TACR1: variants seen among roughly 807,000 people sequenced by gnomAD.
TACR1 encodes the protein substance-P receptor.
TACR1 carries 25 observed loss-of-function variants against 35.8 expected under a neutral mutation model. That is an observed-to-expected ratio of 0.70 (90% CI 0.51 to 0.98). The LOEUF is 0.98. Among genes scored for constraint, TACR1 ranks in the 50% least tolerant of loss-of-function variants. TACR1 has a pLI of 0.00. For synonymous variants in TACR1, 195 were observed against 206.7 expected, an observed-to-expected ratio of 0.94 and a Z score of 0.48; for missense variants, 478 against 522.9, an observed-to-expected ratio of 0.91 and a Z score of 0.84.
At chr2:75,125,879 T>TTGACTATACGTTGGGAA (rs1311908845) in intron 1 of TACR1, among the ~76,000 whole-genome samples, 4 of 152,204 alleles carry the variant, frequency 2.6e-5, no homozygotes, top group African/African-American at 7.2e-5. Context: ...AACTTTTGTG[T>TTGACTATACGTTGGGAA]TGACTATACG....
intron 2 of TACR1, among the ~76,000 whole-genome samples, chr2:75,089,983 A>G (rs1380887691): frequency 6.6e-6 from 1 of 152,186 alleles, no homozygotes; most frequent in Non-Finnish European, 1.5e-5. Flanking sequence ...CATCATCACC[A>G]TTCAACTAAT....
chr2:75,182,654 A>C (rs1675586816), intron 1 of TACR1, among the ~76,000 whole-genome samples: 2 of 152,184 alleles, frequency 1.3e-5, no homozygotes, highest in African/African-American at 4.8e-5. Context: ...AAAACTTACC[A>C]TTGTGTTCCA....
At chr2:75,095,246 C>CT (rs1052164881) in intron 2 of TACR1, among the ~76,000 whole-genome samples, 9 of 152,158 alleles carry the variant, frequency 5.9e-5, no homozygotes, top group African/African-American at 1.9e-4. Context: ...TTCACTCTCC[C>CT]TGAGGGTGCA....
At chr2:75,155,687 A>C (rs1674832822) in intron 1 of TACR1, among the ~76,000 whole-genome samples, 1 of 152,256 alleles carries the variant, frequency 6.6e-6, no homozygotes, top group Non-Finnish European at 1.5e-5. Flanking sequence ...AGCTACATTT[A>C]CATTTTATCA....
intron 1 of TACR1, among the ~76,000 whole-genome samples, chr2:75,152,417 GGGGT>G (rs1174738128): frequency 1.3e-5 from 2 of 152,148 alleles, no homozygotes; most frequent in African/African-American, 4.8e-5. Context: ...GGTTTTATCA[GGGGT>G]TTCTGCTTTT....
chr2:75,167,314 G>A (rs2104007623), intron 1 of TACR1, among the ~76,000 whole-genome samples: 1 of 152,212 alleles, frequency 6.6e-6, no homozygotes, highest in South Asian at 2.1e-4. Context: ...AAATAAACTG[G>A]CAAATGGGCC....
intron 2 of TACR1, among the ~76,000 whole-genome samples, chr2:75,107,110 A>G (rs1428525717): frequency 6.6e-6 from 1 of 151,988 alleles, no homozygotes; most frequent in Non-Finnish European, 1.5e-5. Flanking sequence ...TGTTACTATT[A>G]ATACTACAGG....
At chr2:75,174,897 T>G (rs901340708) in intron 1 of TACR1, among the ~76,000 whole-genome samples, 83 of 152,184 alleles carry the variant, frequency 5.5e-4, no homozygotes, top group Non-Finnish European at 1.2e-4. Context: ...CAGGCCCAAT[T>G]TCAGGGGCAG....
At chr2:75,155,446 T>C (rs1674822064) in intron 1 of TACR1, among the ~76,000 whole-genome samples, 1 of 151,846 alleles carries the variant, frequency 6.6e-6, no homozygotes, top group Non-Finnish European at 1.5e-5. Context: ...TCTCTCTATC[T>C]CTACCTCTCT....
intron 4 of TACR1, 25 bp from the exon 5 acceptor site, chr2:75,049,748 T>C: frequency 6.2e-7 from 1 of 1,602,224 alleles, no homozygotes; most frequent in Non-Finnish European, 8.5e-7. Context: ...GATGAAGAGG[T>C]GACCCTTTGG....
At chr2:75,141,727 A>G (rs984228857) in intron 1 of TACR1, among the ~76,000 whole-genome samples, 3 of 152,224 alleles carry the variant, frequency 2.0e-5, no homozygotes, top group African/African-American at 4.8e-5. Context: ...TTCCCCAAAA[A>G]GGACTTATAT....
chr2:75,168,147 T>C (rs1055585435), intron 1 of TACR1, among the ~76,000 whole-genome samples: 2 of 152,244 alleles, frequency 1.3e-5, no homozygotes, highest in Non-Finnish European at 2.9e-5. Flanking sequence ...ACTTGTTGTT[T>C]ATTATTTTAA....
intron 1 of TACR1, among the ~76,000 whole-genome samples, chr2:75,166,834 T>C (rs1675155018): frequency 1.3e-5 from 2 of 152,194 alleles, no homozygotes; most frequent in South Asian, 2.1e-4. Flanking sequence ...AGTGCAGATA[T>C]AGGAAAGTCT....
chr2:75,089,087 T>C (rs1200401222), intron 2 of TACR1, among the ~76,000 whole-genome samples: 3 of 152,202 alleles, frequency 2.0e-5, no homozygotes, highest in Admixed American at 6.5e-5. Flanking sequence ...CTTCACCATA[T>C]GTGCTGCCCT....
intron 1 of TACR1, among the ~76,000 whole-genome samples, chr2:75,138,981 A>T (rs1313977764): frequency 6.6e-6 from 1 of 152,248 alleles, no homozygotes; most frequent in South Asian, 2.1e-4. Flanking sequence ...TCATGAGAAC[A>T]TGCAACAAGG....
chr2:75,133,655 T>G (rs1433175668), intron 1 of TACR1, among the ~76,000 whole-genome samples: 1 of 152,168 alleles, frequency 6.6e-6, no homozygotes, highest in African/African-American at 2.4e-5. Context: ...CAAGGCACTA[T>G]CCAGGATCCT....
chr2:75,112,168 G>A (rs539882477), intron 2 of TACR1, among the ~76,000 whole-genome samples: 183 of 151,854 alleles, frequency 1.2e-3, no homozygotes, highest in African/African-American at 4.2e-3. Flanking sequence ...AATTTTATAC[G>A]TTTGAGTTTT....
chr2:75,176,523 T>C (rs1350413837), intron 1 of TACR1, among the ~76,000 whole-genome samples: 2 of 152,174 alleles, frequency 1.3e-5, no homozygotes, highest in Non-Finnish European at 2.9e-5. Context: ...TCCCTCATAA[T>C]AGATTCTATA....
chr2:75,079,679 A>G (rs55662027), intron 2 of TACR1, among the ~76,000 whole-genome samples: 1,824 of 150,926 alleles, frequency 0.012, 39 homozygotes, highest in African/African-American at 0.042. Flanking sequence ...CTCTGTGTTC[A>G]AACTGGATTC....
Sources: gnomAD v4.1 joint callset for allele counts (sites outside exome capture counted in the v4.1 genomes callset) on GRCh38, gnomAD v4.1.1 for gene constraint, MANE v1.5 for transcripts, NCBI Gene and HGNC (gene_info 2026-07-23, HGNC 2026-07-21) for gene names.